Variants in UNC50 observed in about 807,000 individuals in gnomAD.
The protein encoded by UNC50 is protein unc-50 homolog.
Under a neutral mutation model 31.5 loss-of-function variants are expected in UNC50, and 24 were observed. That is an observed-to-expected ratio of 0.76 (90% CI 0.55 to 1.07). UNC50 has a LOEUF of 1.07. UNC50 is among the 50% of genes least tolerant of loss of function. The pLI is 0.00. For missense variants in UNC50, 245 were observed against 304.2 expected, an observed-to-expected ratio of 0.81 and a Z score of 1.45; for synonymous variants, 118 against 114.7, an observed-to-expected ratio of 1.03 and a Z score of -0.18.
intron 1 of UNC50, 28 bp downstream of exon 1, chr2:98,608,754 C>T: frequency 3.0e-6 from 1 of 332,660 alleles, no homozygotes; most frequent in East Asian, 8.4e-5. Flanking sequence ...CTCTGCCCTC[C>T]CGCGGCCCGG....
At chr2:98,612,409 C>T (rs62157970) in intron 3 of UNC50, among the ~76,000 whole-genome samples, 1 of 151,742 alleles carries the variant, frequency 6.6e-6, no homozygotes, top group South Asian at 2.1e-4. Flanking sequence ...CTGATACCAG[C>T]CTTTTTTTTT....
chr2:98,611,846 T>G (rs1700834461), intron 3 of UNC50, among the ~76,000 whole-genome samples: 1 of 152,174 alleles, frequency 6.6e-6, no homozygotes, highest in African/African-American at 2.4e-5. Flanking sequence ...TGTGGAGTCT[T>G]ACTTTGAATC....
chr2:98,618,326 C>T lies in UNC50; in HGVS notation c.*22C>T, dbSNP rs112897404. 17 of 1,585,854 alleles carry T rather than the reference C, an allele frequency of 1.1e-5. No individual in the cohort carries two copies. The African/African-American group carries it at 1.4e-4, about 13-fold the overall frequency. On this transcript the variant is annotated 3_prime_UTR_variant, in exon 6 of 6. Transcript: ENST00000357765. ...ATAAAAAGTGAGAAGAAGATTCAAT[C>T]GTAACTGTGTCAACAGTATTGTGAA...
intron 5 of UNC50, 46 bp from the exon 6 acceptor site, chr2:98,618,122 T>TC: frequency 7.7e-7 from 1 of 1,297,822 alleles, no homozygotes. Context: ...ATTAGTCATT[T>TC]ATTTTTTTTT....
At chr2:98,611,195 T>C (rs1360725890) in intron 3 of UNC50, among the ~76,000 whole-genome samples, 1 of 152,244 alleles carries the variant, frequency 6.6e-6, no homozygotes, top group Non-Finnish European at 1.5e-5. Flanking sequence ...GTTAAGGACA[T>C]GCCTGTGACA....
intron 1 of UNC50, 32 bp from the exon 2 acceptor site, chr2:98,609,724 A>G: frequency 6.2e-7 from 1 of 1,612,656 alleles, no homozygotes; most frequent in Non-Finnish European, 8.5e-7. Flanking sequence ...TCTTCAGAAT[A>G]CGTGTAAAAG....
chr2:98,608,684 T>C lies in UNC50; in HGVS notation c.-47T>C, dbSNP rs1327083686. 7 of 507,626 alleles carry C rather than the reference T, an allele frequency of 1.4e-5. No homozygotes were observed. Among genetic ancestry groups the C allele is most frequent in the African/African-American group, 4.0e-5 (2 of 50,146 alleles). 31.4% of individuals were successfully genotyped at this position (507,626 alleles called of 1,614,324 possible). On this transcript the variant is annotated 5_prime_UTR_variant, in exon 1 of 6. Transcript: ENST00000357765. ...GGGGTCGGCTGCTGGGAGGAGGTGG[T>C]GGGCTGGTTCGGACGTGGGTCGAGG...
rs139545435 is a variant in UNC50, at chr2:98,610,299, G to C, written c.280+260G>C. On this transcript the variant is annotated intron_variant, in intron 2 of 5. Coordinates refer to ENST00000357765, the MANE Select transcript of UNC50 (RefSeq NM_014044.7). ...CCATATCTTTTTAAGTACTTGAATCGGTACCCAAATGTCAGCTGACTGTGA... is the reference window on the plus strand; with the variant it reads ...CCATATCTTTTTAAGTACTTGAATCCGTACCCAAATGTCAGCTGACTGTGA... 3.8e-4 allele frequency among the ~76,000 whole-genome samples: 58 copies of C among 152,190 alleles called. 1 individual carries two copies. Among genetic ancestry groups the C allele is most frequent in the African/African-American group, 1.3e-3 (56 of 41,520 alleles).
chr2:98,611,989 C>CCA (rs150818166), intron 3 of UNC50, among the ~76,000 whole-genome samples: 41 of 143,124 alleles, frequency 2.9e-4, no homozygotes, highest in South Asian at 4.3e-4. Flanking sequence ...CCCCCCACCG[C>CCA]CACACACACA....
chr2:98,615,793 C>T (rs1396883273), intron 3 of UNC50, among the ~76,000 whole-genome samples: 1 of 152,196 alleles, frequency 6.6e-6, no homozygotes, highest in Non-Finnish European at 1.5e-5. Flanking sequence ...CCACAGGCTT[C>T]GTAAGACATG....
intron 5 of UNC50, among the ~76,000 whole-genome samples, chr2:98,617,718 A>G (rs931064767): frequency 5.9e-5 from 9 of 152,216 alleles, no homozygotes; most frequent in Non-Finnish European, 1.0e-4. Context: ...ACACCCTCTT[A>G]AAGTGGGGGT....
intron 5 of UNC50, among the ~76,000 whole-genome samples, chr2:98,617,570 G>A (rs1392278230): frequency 6.6e-6 from 1 of 152,152 alleles, no homozygotes; most frequent in Non-Finnish European, 1.5e-5. Context: ...CTTCCTATAT[G>A]AGAAATACTT....
intron 3 of UNC50, among the ~76,000 whole-genome samples, chr2:98,614,708 G>A (rs1045271245): frequency 1.3e-5 from 2 of 152,174 alleles, no homozygotes; most frequent in South Asian, 4.1e-4. Flanking sequence ...CAGAAAGGGC[G>A]CTCTTGGGGA....
intron 3 of UNC50, among the ~76,000 whole-genome samples, chr2:98,612,714 C>T (rs1473717728): frequency 6.6e-6 from 1 of 152,200 alleles, no homozygotes; most frequent in Non-Finnish European, 1.5e-5. Context: ...CAGCCAATAC[C>T]ACCCTTTTAC....
At chr2:98,610,139 CTA>C (rs879876828) in intron 2 of UNC50, 100 bp downstream of exon 2, 345 of 1,258,922 alleles carry the variant, frequency 2.7e-4, no homozygotes, top group Non-Finnish European at 3.6e-4. Context: ...ATATTGGAAA[CTA>C]TTTCTCCTTT....
intron 3 of UNC50, among the ~76,000 whole-genome samples, chr2:98,613,512 C>T (rs1368041925): frequency 2.6e-5 from 4 of 152,134 alleles, no homozygotes; most frequent in African/African-American, 9.7e-5. Context: ...CACAGGGTGG[C>T]GGGATGGAGT....
intron 5 of UNC50, among the ~76,000 whole-genome samples, chr2:98,617,801 T>TAA (rs1385249071): frequency 6.6e-6 from 1 of 152,182 alleles, no homozygotes; most frequent in Non-Finnish European, 1.5e-5. Flanking sequence ...CTCTGTACTT[T>TAA]AAGTTGGACT....
chr2:98,618,336 T>TCAA lies in UNC50; in HGVS notation c.*35_*37dup, dbSNP rs1236700144. The TCAA allele has an allele frequency of 1.3e-6, 2 of 1,580,006 alleles. No individual in the cohort carries two copies. The highest frequency in any genetic ancestry group is 2.0e-5 in the Admixed American group (1 of 51,256). ...AGAAGAAGATTCAATCGTAACTGTG[T>TCAA]CAACAGTATTGTGAAGTGATCATTT... On this transcript the variant is annotated 3_prime_UTR_variant, in exon 6 of 6. Coordinates refer to ENST00000357765, the MANE Select transcript of UNC50 (RefSeq NM_014044.7).
rs1455593184 is a variant in UNC50 at position 98,609,883 on chromosome 2, C to T, written c.124C>T (p.Arg42Trp). ...YKYLRRLFRF[R>W]QMDFEFAAWQ... ...ATATCTGAGAAGGCTTTTCCGCTTT[C>T]GGCAAATGGACTTTGAATTTGCTGC... The change falls in exon 2 of 6, where the codon CGG becomes TGG. Residue 42 changes from arginine to tryptophan, a missense_variant. By Grantham distance (101) the Arg-to-Trp change is moderately radical. Transcript: ENST00000357765. 1 of 1,614,074 alleles carries T rather than the reference C, an allele frequency of 6.2e-7. No individual in the cohort carries two copies. The highest frequency in any genetic ancestry group is 8.5e-7 in the Non-Finnish European group (1 of 1,180,044).
Sources: allele counts gnomAD v4.1 joint callset (sites outside exome capture counted in the v4.1 genomes callset), GRCh38; gene constraint gnomAD v4.1.1; transcripts MANE v1.5; gene names NCBI Gene and HGNC (gene_info 2026-07-23, HGNC 2026-07-21).